OPCML: variants seen among roughly 807,000 people sequenced by gnomAD.
OPCML encodes the protein opioid-binding protein/cell adhesion molecule.
OPCML carries 13 observed loss-of-function variants against 37.8 expected under a neutral mutation model. The ratio of observed to expected loss-of-function variants is 0.34; its 90% CI spans 0.22 to 0.55. The LOEUF is 0.55. Ranked by LOEUF, OPCML falls within the 20% of genes least tolerant of loss-of-function variation. The pLI, the probability that OPCML is intolerant of heterozygous loss-of-function variation, is 0.91. For missense variants in OPCML, 341 were observed against 435.6 expected, an observed-to-expected ratio of 0.78 and a Z score of 1.93; for synonymous variants, 176 against 168.8, an observed-to-expected ratio of 1.04 and a Z score of -0.33.
intron 1 of OPCML, among the ~76,000 whole-genome samples, chr11:133,015,479 TGAAG>T (rs1185070828): frequency 3.4e-5 from 4 of 119,208 alleles, no homozygotes; most frequent in South Asian, 2.7e-4. Context: ...AAGGAAGGAA[TGAAG>T]GAAGGAAGGA....
chr11:133,259,862 T>A (rs985118868), intron 1 of OPCML, among the ~76,000 whole-genome samples: 1 of 152,228 alleles, frequency 6.6e-6, no homozygotes, highest in Non-Finnish European at 1.5e-5. Flanking sequence ...GCACCTTCTA[T>A]GTCTAGGCAC....
intron 1 of OPCML, among the ~76,000 whole-genome samples, chr11:133,181,484 G>T (rs542836493): frequency 4.4e-4 from 67 of 152,134 alleles, no homozygotes; most frequent in African/African-American, 1.5e-3. Flanking sequence ...TTTACAAAGT[G>T]GGGGGAATAT....
chr11:133,018,130 T>C (rs1489188820), intron 1 of OPCML, among the ~76,000 whole-genome samples: 1 of 152,192 alleles, frequency 6.6e-6, no homozygotes, highest in Non-Finnish European at 1.5e-5. Context: ...TCCTTTGGGT[T>C]AAAAGTAATC....
At chr11:133,437,547 G>A (rs539751068) in intron 1 of OPCML, among the ~76,000 whole-genome samples, 1 of 151,932 alleles carries the variant, frequency 6.6e-6, no homozygotes, top group Non-Finnish European at 1.5e-5. Context: ...CTTCCCTTCC[G>A]CTTTGAATGC....
chr11:133,392,178 C>T (rs1945187247), intron 1 of OPCML, among the ~76,000 whole-genome samples: 1 of 152,078 alleles, frequency 6.6e-6, no homozygotes, highest in African/African-American at 2.4e-5. Context: ...CGAATTTAAT[C>T]TTCACAATAA....
At position 133,173,380 on chromosome 11, in the gene OPCML, G is replaced by T. The variant is rs1341308527; in HGVS notation, c.62-230370C>A. Among the ~76,000 whole-genome samples, 2 of 152,148 alleles carry T rather than the reference G, an allele frequency of 1.3e-5. No homozygotes were observed. The highest frequency in any genetic ancestry group is 2.9e-5 in the Non-Finnish European group (2 of 68,032). On this transcript the variant is annotated intron_variant, in intron 1 of 7. Coordinates refer to ENST00000524381, the MANE Select transcript of OPCML (RefSeq NM_001012393.5). This position sits in a 1 kb window ranked among gnomAD's most constrained non-coding sequence, Gnocchi z 7.8. ...AGACTCATAGAGAGGGTATCGATAG[G>T]AGTACAGATCCCAGTATGTTGCACA...
chr11:132,950,407 A>G (rs1318369767), intron 1 of OPCML, among the ~76,000 whole-genome samples: 2 of 152,212 alleles, frequency 1.3e-5, no homozygotes, highest in Non-Finnish European at 2.9e-5. Flanking sequence ...TTGGGTAACT[A>G]GCTGCATTTT....
intron 1 of OPCML, among the ~76,000 whole-genome samples, chr11:133,433,771 AG>A (rs1408462341): frequency 6.6e-6 from 1 of 152,054 alleles, no homozygotes; most frequent in Non-Finnish European, 1.5e-5. Flanking sequence ...AACCCACTTC[AG>A]GGTTTTGCCT....
At chr11:132,648,125 G>C (rs963433848) in intron 3 of OPCML, among the ~76,000 whole-genome samples, 3 of 152,162 alleles carry the variant, frequency 2.0e-5, no homozygotes, top group African/African-American at 7.2e-5. Flanking sequence ...AGTTTACTTG[G>C]ATGCTAAACA....
At chr11:133,139,871 C>T (rs1023554591) in intron 1 of OPCML, among the ~76,000 whole-genome samples, 7 of 151,940 alleles carry the variant, frequency 4.6e-5, no homozygotes, top group Admixed American at 3.3e-4. Context: ...GGAGTCTTAA[C>T]GAGAAGAGGA....
At position 133,006,497 on chromosome 11, in the gene OPCML, T is replaced by G. The variant is rs1204840255; in HGVS notation, c.62-63487A>C. The G allele has an allele frequency of 3.0e-6, 3 of 985,298 alleles. No individual in the cohort carries two copies. In the African/African-American group the frequency reaches 5.2e-5, roughly 17 times the overall value. 61.0% of individuals were successfully genotyped at this position (985,298 alleles called of 1,614,324 possible). On this transcript the variant is annotated intron_variant, in intron 1 of 7. Transcript: ENST00000524381. ...AAGAAAGAAAGTTTTATCTCCTTAA[T>G]CATCATAACTTGTTTTTCAGTTACC... is the stretch of plus-strand genomic sequence containing the variant.
chr11:133,518,729 GT>G (rs1951418980), intron 1 of OPCML, among the ~76,000 whole-genome samples: 4 of 149,938 alleles, frequency 2.7e-5, no homozygotes, highest in African/African-American at 5.0e-5. Context: ...GTGTGGGGCT[GT>G]GGCGTGGACA....
intron 1 of OPCML, among the ~76,000 whole-genome samples, chr11:133,527,759 A>G (rs1208602063): frequency 1.3e-5 from 2 of 152,230 alleles, no homozygotes; most frequent in African/African-American, 4.8e-5. Flanking sequence ...CCCATTCTAC[A>G]GATTGGTAAA....
At chr11:132,780,641 G>C (rs1337851656) in intron 2 of OPCML, among the ~76,000 whole-genome samples, 2 of 152,196 alleles carry the variant, frequency 1.3e-5, no homozygotes, top group East Asian at 3.9e-4. Context: ...AATGTAACAG[G>C]TAAAGATTTT....
At chr11:133,237,137 T>C (rs904275372) in intron 1 of OPCML, among the ~76,000 whole-genome samples, 2 of 152,222 alleles carry the variant, frequency 1.3e-5, no homozygotes, top group African/African-American at 4.8e-5. Context: ...CCAGAAGCGA[T>C]CATTTAATGA....
At chr11:133,287,156 T>C (rs1592168650) in intron 1 of OPCML, among the ~76,000 whole-genome samples, 1 of 152,268 alleles carries the variant, frequency 6.6e-6, no homozygotes, top group African/African-American at 2.4e-5. Context: ...CATATAATTT[T>C]AAGTGTTCTA....
At chr11:133,108,102 C>A (rs993075209) in intron 1 of OPCML, among the ~76,000 whole-genome samples, 1 of 152,186 alleles carries the variant, frequency 6.6e-6, no homozygotes, top group African/African-American at 2.4e-5. Context: ...AGAGGGTTCA[C>A]TTTAGATCAA....
intron 1 of OPCML, among the ~76,000 whole-genome samples, chr11:133,009,712 C>T (rs1366267264): frequency 6.6e-6 from 1 of 152,176 alleles, no homozygotes; most frequent in Non-Finnish European, 1.5e-5. Flanking sequence ...CTAGGTCCCT[C>T]ACATGCGTAA....
Position 133,182,062 on chromosome 11 carries a change from C to T in OPCML, c.62-239052G>A, listed in dbSNP as rs1010643185. Among the ~76,000 whole-genome samples, 23 of 152,324 alleles carry T rather than the reference C, an allele frequency of 1.5e-4. 1 individual carries two copies. Among genetic ancestry groups the T allele is most frequent in the Admixed American group, 1.1e-3 (17 of 15,300 alleles). The stretch of plus-strand genomic sequence containing the variant: ...ACTGTTGTTCTTCTGGAAGAATTCT[C>T]CCTTTAGGTGATTAACACCTTCAGA... On this transcript the variant is annotated intron_variant, in intron 1 of 7. Coordinates refer to ENST00000524381, the MANE Select transcript of OPCML (RefSeq NM_001012393.5).
Sources: allele counts gnomAD v4.1 joint callset (sites outside exome capture counted in the v4.1 genomes callset), GRCh38; gene constraint gnomAD v4.1.1; non-coding constraint Gnocchi (gnomAD v3.1); transcripts MANE v1.5; gene names NCBI Gene and HGNC (gene_info 2026-07-23, HGNC 2026-07-21).